DCAF8L1: variants seen among roughly 807,000 people sequenced by gnomAD.
The protein encoded by DCAF8L1 is DDB1- and CUL4-associated factor 8-like protein 1.
For missense variants in DCAF8L1, 434 were observed against 481.6 expected (o/e 0.90, Z 0.92); for synonymous variants, 217 against 186.8 (o/e 1.16, Z -1.32).
rs780277664 is a variant in DCAF8L1, at chrX:27,980,940, A to G, written c.395T>C (p.Leu132Ser). Residue 132 changes from leucine to serine, a missense_variant, in exon 1 of 1, where the codon TTG becomes TCG. Leu to Ser is a moderately radical substitution (Grantham distance 145). Coordinates refer to ENST00000441525, the MANE Select transcript of DCAF8L1 (RefSeq NM_001017930.2). ...RCGGTNHDQC[L>S]LDEDQALEEW... ...CTCCAACGCCTGATCCTCGTCTAAC[A>G]AACACTGATCATGGTTGGTGCCACC... is the stretch of plus-strand genomic sequence containing the variant. The G allele has an allele frequency of 1.1e-5, 13 of 1,210,084 alleles. No homozygotes were observed. In the Admixed American group the frequency reaches 1.7e-4, roughly 16 times the overall value.
chrX:27,978,785 T>A lies in DCAF8L1; in HGVS notation c.*747A>T, dbSNP rs1926575674. 1.3e-6 allele frequency: 1 copy of A among 786,005 alleles called. No individual in the cohort carries two copies. The allele number at this position is 786,005 out of a possible 1,213,427, so 64.8% of individuals were successfully genotyped here. ...TTCTAAGGCTCTGTGTGTATGTGTG[T>A]GTGCATAGCTGGCCAGGAGCTCTGT... On this transcript the variant is annotated 3_prime_UTR_variant, in exon 1 of 1. Coordinates refer to ENST00000441525, the MANE Select transcript of DCAF8L1 (RefSeq NM_001017930.2).
Position 27,980,497 on chromosome X carries a change from T to C in DCAF8L1, c.838A>G (p.Lys280Glu). The C allele has an allele frequency of 1.7e-6, 2 of 1,211,890 alleles. No homozygotes were observed. The highest frequency in any genetic ancestry group is 2.2e-6 in the Non-Finnish European group (2 of 895,549). ...GGTCCCCTGTGCTTGGCCACACGCT[T>C]AGTATTCTCGCAATATGATGCATTA... ...LINASYCENT[K>E]RVAKHRGPAH... The change falls in exon 1 of 1, where the codon AAG (lysine) becomes GAG (glutamate). Residue 280 changes from lysine (K) to glutamate (E), a missense_variant. Transcript: ENST00000441525.
Position 27,981,302 on chromosome X carries a change from T to C in DCAF8L1, c.33A>G (p.Leu11=), listed in dbSNP as rs749957050. 2 of 1,207,924 alleles carry C rather than the reference T, an allele frequency of 1.7e-6. No individual in the cohort carries two copies. The highest frequency in any genetic ancestry group is 1.1e-6 in the Non-Finnish European group (1 of 894,467). MSHQEGSTGG[L]PDLVTESLFS... The stretch of plus-strand genomic sequence containing the variant: ...ACAGGCTTTCAGTCACTAAGTCTGG[T>C]AAGCCACCTGTGCTGCCCTCTTGGT... Residue 11 remains leucine (L), a synonymous_variant, in exon 1 of 1, where the codon TTA becomes TTG. Coordinates refer to ENST00000441525, the MANE Select transcript of DCAF8L1 (RefSeq NM_001017930.2).
At position 27,980,941 on chromosome X, in the gene DCAF8L1, A is replaced by G. The variant is rs2147485823; in HGVS notation, c.394T>C (p.Leu132=). ...TCCAACGCCTGATCCTCGTCTAACA[A>G]ACACTGATCATGGTTGGTGCCACCG... ...RCGGTNHDQC[L]LDEDQALEEW... The change falls in exon 1 of 1, where the codon TTG becomes CTG. Residue 132 remains leucine (L), a synonymous_variant. Coordinates refer to ENST00000441525, the MANE Select transcript of DCAF8L1 (RefSeq NM_001017930.2). The G allele has an allele frequency of 8.3e-7, 1 of 1,209,974 alleles. No homozygotes were observed. The highest frequency in any genetic ancestry group is 1.8e-5 in the South Asian group (1 of 56,790).
chrX:27,979,893 C>T lies in DCAF8L1; in HGVS notation c.1442G>A (p.Gly481Glu). The T allele has an allele frequency of 8.3e-7, 1 of 1,209,168 alleles. No homozygotes were observed. Among genetic ancestry groups the T allele is most frequent in the South Asian group, 1.8e-5 (1 of 56,512 alleles). ...GGGTTCAAGACAGTTTACTATATCT[C>T]CTCTGTCCCCCTCCATGAACTGGAT... ...QIIQFMEGDR[G>E]DIVNCLEPHP... The change falls in exon 1 of 1, where the codon GGA becomes GAA. Residue 481 changes from glycine (G) to glutamate (E), a missense_variant. Transcript: ENST00000441525.
Position 27,980,694 on chromosome X carries a change from C to A in DCAF8L1, c.641G>T (p.Ser214Ile), listed in dbSNP as rs771232314. The A allele has an allele frequency of 1.7e-6, 2 of 1,211,739 alleles. No homozygotes were observed. Among genetic ancestry groups the A allele is most frequent in the Non-Finnish European group, 2.2e-6 (2 of 895,452 alleles). Residue 214 changes from serine (S) to isoleucine (I), a missense_variant, in exon 1 of 1, where the codon AGC (serine) becomes ATC (isoleucine). Transcript: ENST00000441525. ...CACTATCACCCTTAAGTCATCACCG[C>A]TACTGGCCAGTCGGGTGCCACGCTG... ...FNQRGTRLAS[S>I]GDDLRVIVWD...
In DCAF8L1 at chrX:27,981,380, C is replaced by A. The variant is rs781055870; in HGVS notation, c.-46G>T. The A allele has an allele frequency of 8.5e-7, 1 of 1,177,802 alleles. No homozygotes were observed. Among genetic ancestry groups the A allele is most frequent in the South Asian group, 1.9e-5 (1 of 51,846 alleles). ...GCTGATCTGGAACTGGAAAAGCCAA[C>A]CCCTAAAAGCTCAGGGAAGAGAGCA... On this transcript the variant is annotated 5_prime_UTR_variant, in exon 1 of 1. Coordinates refer to ENST00000441525, the MANE Select transcript of DCAF8L1 (RefSeq NM_001017930.2).
Position 27,979,231 on chromosome X carries a change from A to G in DCAF8L1, c.*301T>C, listed in dbSNP as rs761224442. 3.5e-6 allele frequency: 1 copy of G among 283,331 alleles called. No individual in the cohort carries two copies. Among genetic ancestry groups the G allele is most frequent in the African/African-American group, 3.1e-5 (1 of 32,688 alleles). 23.3% of individuals were successfully genotyped at this position (283,331 alleles called of 1,213,427 possible). A position where few individuals can be genotyped will look rare whatever the true frequency, so the allele number is the denominator to read the frequency against. ...ACTCAACTGAAGAACTTTATCTTCA[A>G]AATAAATTGGTAAAAAATGAAAAAA... On this transcript the variant is annotated 3_prime_UTR_variant, in exon 1 of 1. Coordinates refer to ENST00000441525, the MANE Select transcript of DCAF8L1 (RefSeq NM_001017930.2).
In DCAF8L1 at chrX:27,981,249, A is replaced by G. The variant is rs772740831; in HGVS notation, c.86T>C (p.Val29Ala). The G allele has an allele frequency of 6.6e-6, 8 of 1,206,238 alleles. No homozygotes were observed. In the African/African-American group the frequency reaches 1.1e-4, roughly 16 times the overall value. Residue 29 changes from valine (V) to alanine (A), a missense_variant, in exon 1 of 1, where the codon GTA becomes GCA. Val to Ala is a moderately conservative substitution (Grantham distance 64). Transcript: ENST00000441525. ...LFSSPEEQSG[V>A]AAVTAASSDI... ...TGAGGAGGCCGCCGTCACCGCTGCT[A>G]CTCCAGACTGCTCCTCTGGGCTGCT...
Position 27,979,466 on chromosome X carries a change from T to C in DCAF8L1, c.*66A>G, listed in dbSNP as rs755378230. ...TGTTAATCAATTGACAATTCTAAAT[T>C]AGTCAAACTGAATTTTAAAGTCCAG... On this transcript the variant is annotated 3_prime_UTR_variant, in exon 1 of 1. Coordinates refer to ENST00000441525, the MANE Select transcript of DCAF8L1 (RefSeq NM_001017930.2). The C allele has an allele frequency of 1.1e-4, 118 of 1,120,295 alleles. No individual in the cohort carries two copies. Among genetic ancestry groups the C allele is most frequent in the Non-Finnish European group, 1.4e-4 (116 of 851,810 alleles). 92.3% of individuals were successfully genotyped at this position (1,120,295 alleles called of 1,213,427 possible).
Position 27,978,094 on chromosome X carries a change from G to A in DCAF8L1, c.*1438C>T, listed in dbSNP as rs779503300. 2.3e-4 allele frequency: 26 copies of A among 112,032 alleles called. No individual in the cohort carries two copies. The highest frequency in any genetic ancestry group is 4.7e-4 in the Non-Finnish European group (25 of 53,269). 9.2% of individuals were successfully genotyped at this position (112,032 alleles called of 1,213,427 possible). ...ACAATTTTTAAAACAATTTAAACTC[G>A]AGGACAGCTGAGAGAACTTTAAGCA... On this transcript the variant is annotated 3_prime_UTR_variant, in exon 1 of 1. Coordinates refer to ENST00000441525, the MANE Select transcript of DCAF8L1 (RefSeq NM_001017930.2).
chrX:27,981,200 C>T lies in DCAF8L1; in HGVS notation c.135G>A (p.Glu45=), dbSNP rs1464122656. Reference sequence around the variant, plus strand: ...TATCACCACCATCTCCGGTCGATGGCTCTGTGGCTGCCATTTCAATGTCTG... The same window carrying T: ...TATCACCACCATCTCCGGTCGATGGTTCTGTGGCTGCCATTTCAATGTCTG... ...ASSDIEMAAT[E]PSTGDGGDTR... The change falls in exon 1 of 1, where the codon GAG becomes GAA. Residue 45 remains glutamate (E), a synonymous_variant. Coordinates refer to ENST00000441525, the MANE Select transcript of DCAF8L1 (RefSeq NM_001017930.2). The T allele has an allele frequency of 8.3e-7, 1 of 1,211,930 alleles. No homozygotes were observed. Among genetic ancestry groups the T allele is most frequent in the Admixed American group, 2.2e-5 (1 of 46,044 alleles).
chrX:27,979,568 C>A lies in DCAF8L1; in HGVS notation c.1767G>T (p.Glu589Asp), dbSNP rs759208081. The change falls in exon 1 of 1, where the codon GAG (glutamate) becomes GAT (aspartate). Residue 589 changes from glutamate (E) to aspartate (D), a missense_variant. Coordinates refer to ENST00000441525, the MANE Select transcript of DCAF8L1 (RefSeq NM_001017930.2). ...TGCACTGCACTCGATCTTGGCCCTCCTCCTCGGATGTATCTGAGGTGCTGG... is the reference window on the plus strand; with the variant it reads ...TGCACTGCACTCGATCTTGGCCCTCATCCTCGGATGTATCTGAGGTGCTGG... ...ESSSTSDTSE[E>D]EGQDRVQCIP... 1.6e-5 allele frequency: 19 copies of A among 1,208,051 alleles called. No homozygotes were observed. The Admixed American group carries it at 4.2e-4, about 26-fold the overall frequency.
At position 27,981,041 on chromosome X, in the gene DCAF8L1, T is replaced by C; in HGVS notation, c.294A>G (p.Thr98=). 1.7e-6 allele frequency: 2 copies of C among 1,212,051 alleles called. No individual in the cohort carries two copies. Among genetic ancestry groups the C allele is most frequent in the Non-Finnish European group, 2.2e-6 (2 of 895,559 alleles). ...TCTCTTCTTCTTCCTCCTCCCTTTC[T>C]GTCTCCTCTCCCACTAACGGGTAAC... The part of the protein sequence containing the change: ...LFGYPLVGEE[T]EREEEEEEME... The change falls in exon 1 of 1, where the codon ACA becomes ACG. Residue 98 remains threonine, a synonymous_variant. Transcript: ENST00000441525.
chrX:27,978,324 A>G lies in DCAF8L1; in HGVS notation c.*1208T>C, dbSNP rs1926568346. 1.8e-5 allele frequency: 2 copies of G among 112,644 alleles called. No individual in the cohort carries two copies. Among genetic ancestry groups the G allele is most frequent in the African/African-American group, 3.2e-5 (1 of 30,982 alleles). 9.3% of individuals were successfully genotyped at this position (112,644 alleles called of 1,213,427 possible). ...CAACAATTTTCAAAACAAACTCATA[A>G]AACAGCTAAATTTTAAGCAATGCAT... is the stretch of plus-strand genomic sequence containing the variant. On this transcript the variant is annotated 3_prime_UTR_variant, in exon 1 of 1. Transcript: ENST00000441525.
In DCAF8L1 at chrX:27,981,295, A is replaced by C; in HGVS notation, c.40T>G (p.Leu14Val). 8.3e-7 allele frequency: 1 copy of C among 1,209,768 alleles called. No individual in the cohort carries two copies. The highest frequency in any genetic ancestry group is 3.0e-5 in the East Asian group (1 of 33,733). Residue 14 changes from leucine (L) to valine (V), a missense_variant, in exon 1 of 1, where the codon TTA (leucine) becomes GTA (valine). Leu to Val is a conservative substitution (Grantham distance 32). Transcript: ENST00000441525. ...CTGCTGAACAGGCTTTCAGTCACTA[A>C]GTCTGGTAAGCCACCTGTGCTGCCC... ...QEGSTGGLPD[L>V]VTESLFSSPE...
chrX:27,978,578 C>A lies in DCAF8L1; in HGVS notation c.*954G>T. ...CATAAAACTTCAAGAACATTTAATG[C>A]ATAGAGTAAACAATGTCATGTGATT... is the stretch of plus-strand genomic sequence containing the variant. On this transcript the variant is annotated 3_prime_UTR_variant, in exon 1 of 1. Coordinates refer to ENST00000441525, the MANE Select transcript of DCAF8L1 (RefSeq NM_001017930.2). 1 of 161,903 alleles carries A rather than the reference C, an allele frequency of 6.2e-6. No homozygotes were observed. The highest frequency in any genetic ancestry group is 1.2e-5 in the Non-Finnish European group (1 of 85,209). 13.3% of individuals were successfully genotyped at this position (161,903 alleles called of 1,213,427 possible). A position where few individuals can be genotyped will look rare whatever the true frequency, so the allele number is the denominator to read the frequency against.
rs776828690 is a variant in DCAF8L1, at chrX:27,980,246, G to A, written c.1089C>T (p.Asp363=). The change falls in exon 1 of 1, where the codon GAC becomes GAT. Residue 363 remains aspartate, a synonymous_variant. Coordinates refer to ENST00000441525, the MANE Select transcript of DCAF8L1 (RefSeq NM_001017930.2). ...GGHDQFVRIY[D]QRRIDKKENN... is the part of the protein sequence containing the mutation. ...TTTCTTTCTTATCAATTCTCCTCTG[G>A]TCATAAATCCTTACAAACTGATCAT... 6.4e-5 allele frequency: 77 copies of A among 1,209,911 alleles called. No individual in the cohort carries two copies. Among genetic ancestry groups the A allele is most frequent in the Non-Finnish European group, 8.0e-5 (72 of 895,211 alleles).
rs1465142427 is a variant in DCAF8L1, at chrX:27,979,014, C to G, written c.*518G>C. ...TTCATAGAGATTGTATACAGTCCCA[C>G]TTTCTTATTCTTCTCTCTTGTTACT... On this transcript the variant is annotated 3_prime_UTR_variant, in exon 1 of 1. Transcript: ENST00000441525. The G allele has an allele frequency of 4.5e-6, 2 of 446,929 alleles. No individual in the cohort carries two copies. Among genetic ancestry groups the G allele is most frequent in the Non-Finnish European group, 7.8e-6 (2 of 257,447 alleles). The allele number at this position is 446,929 out of a possible 1,213,427, so 36.8% of individuals were successfully genotyped here.
Sources: allele counts gnomAD v4.1 joint callset, GRCh38; gene constraint gnomAD v4.1.1; transcripts MANE v1.5; gene names NCBI Gene and HGNC (gene_info 2026-07-23, HGNC 2026-07-21).